CDH13: variants seen among roughly 807,000 people sequenced by gnomAD.
The protein encoded by CDH13 is cadherin 13.
A neutral mutation model predicts 63.8 loss-of-function variants in CDH13; 24 were observed. That is an observed-to-expected ratio of 0.38 (90% CI 0.27 to 0.53). The LOEUF is 0.53. CDH13 is among the 20% of genes least tolerant of loss of function. The pLI is 0.85. For missense variants in CDH13, 1,049 were observed against 903.1 expected, an observed-to-expected ratio of 1.16 and a Z score of -2.07; for synonymous variants, 503 against 355.3, an observed-to-expected ratio of 1.42 and a Z score of -4.67.
At chr16:83,432,244 A>C (rs2072141251) in intron 6 of CDH13, among the ~76,000 whole-genome samples, 1 of 152,208 alleles carries the variant, frequency 6.6e-6, no homozygotes, top group South Asian at 2.1e-4. Context: ...TGAATTACCA[A>C]CATGAGCTGC....
intron 7 of CDH13, among the ~76,000 whole-genome samples, chr16:83,572,294 C>A (rs1432390663): frequency 6.6e-6 from 1 of 151,752 alleles, no homozygotes; most frequent in Admixed American, 6.6e-5. Context: ...TCAGGCGATT[C>A]TCATGCCTCA....
chr16:83,444,096 G>A (rs1354440820), intron 6 of CDH13, among the ~76,000 whole-genome samples: 2 of 145,034 alleles, frequency 1.4e-5, no homozygotes, highest in Non-Finnish European at 3.1e-5. Context: ...ACAATAGTGA[G>A]GTTGATGATG....
chr16:83,350,270 G>A (rs989283754), intron 6 of CDH13, among the ~76,000 whole-genome samples: 3 of 152,352 alleles, frequency 2.0e-5, no homozygotes, highest in Non-Finnish European at 2.9e-5. Flanking sequence ...TGGGAGAATG[G>A]CAGCCCCCCA....
intron 2 of CDH13, among the ~76,000 whole-genome samples, chr16:82,959,732 G>T (rs989372582): frequency 1.3e-5 from 2 of 152,196 alleles, no homozygotes; most frequent in East Asian, 3.8e-4. Context: ...AAGTTTATAA[G>T]TTCCTTTATA....
intron 7 of CDH13, among the ~76,000 whole-genome samples, chr16:83,514,933 T>G (rs2074667438): frequency 6.6e-6 from 1 of 152,266 alleles, no homozygotes; most frequent in Middle Eastern, 3.4e-3. Flanking sequence ...GACGTGTAGT[T>G]ACTGCAGCTC....
At chr16:82,673,663 A>G (rs1274070847) in intron 1 of CDH13, among the ~76,000 whole-genome samples, 2 of 152,244 alleles carry the variant, frequency 1.3e-5, no homozygotes, top group African/African-American at 4.8e-5. Context: ...TAAAGAAATC[A>G]TATTTAAACC....
At chr16:82,747,723 C>G (rs1009076828) in intron 1 of CDH13, among the ~76,000 whole-genome samples, 1 of 152,142 alleles carries the variant, frequency 6.6e-6, no homozygotes, top group Non-Finnish European at 1.5e-5. Context: ...ACAAATTAGT[C>G]TTTTCAAAGG....
At chr16:82,832,419 A>G (rs1466318192) in intron 1 of CDH13, among the ~76,000 whole-genome samples, 4 of 152,020 alleles carry the variant, frequency 2.6e-5, no homozygotes, top group Admixed American at 2.0e-4. Flanking sequence ...GTGACTTTTC[A>G]TCTCTTCTTC....
At chr16:82,744,284 G>GA (rs2034062507) in intron 1 of CDH13, among the ~76,000 whole-genome samples, 1 of 152,188 alleles carries the variant, frequency 6.6e-6, no homozygotes, top group South Asian at 2.1e-4. Context: ...AATAAACACT[G>GA]AAAAATGGTA....
intron 5 of CDH13, among the ~76,000 whole-genome samples, chr16:83,300,130 C>A (rs376339092): frequency 6.6e-6 from 1 of 152,140 alleles, no homozygotes; most frequent in Admixed American, 6.5e-5. Flanking sequence ...GGGTGAGTAC[C>A]AGGAAGCTGG....
At chr16:82,854,047 G>A (rs1010041924) in intron 1 of CDH13, among the ~76,000 whole-genome samples, 1 of 152,148 alleles carries the variant, frequency 6.6e-6, no homozygotes, top group South Asian at 2.1e-4. Flanking sequence ...GAATGAAATT[G>A]AAGAGCGGAT....
intron 7 of CDH13, among the ~76,000 whole-genome samples, chr16:83,527,579 A>T (rs1029746310): frequency 6.6e-6 from 1 of 152,182 alleles, no homozygotes; most frequent in East Asian, 1.9e-4. Context: ...CAGGGCAACT[A>T]CATCCGTTTG....
At chr16:83,042,175 C>T (rs150318104) in intron 3 of CDH13, among the ~76,000 whole-genome samples, 4 of 152,174 alleles carry the variant, frequency 2.6e-5, no homozygotes, top group Non-Finnish European at 5.9e-5. Context: ...CCCCACCCAC[C>T]TGTCTGAGTA....
intron 2 of CDH13, among the ~76,000 whole-genome samples, chr16:82,877,229 A>G (rs890285201): frequency 1.3e-5 from 2 of 152,360 alleles, no homozygotes; most frequent in South Asian, 2.1e-4. Flanking sequence ...AGACATAGCA[A>G]GATGAGTTTA....
chr16:82,629,125 A>T (rs1907704340), intron 1 of CDH13, among the ~76,000 whole-genome samples: 1 of 152,196 alleles, frequency 6.6e-6, no homozygotes, highest in Admixed American at 6.5e-5. Flanking sequence ...AAGACAGACC[A>T]CGTGACAGGG....
intron 2 of CDH13, among the ~76,000 whole-genome samples, chr16:83,018,461 A>T (rs1915024839): frequency 6.6e-6 from 1 of 152,218 alleles, no homozygotes; most frequent in Non-Finnish European, 1.5e-5. Context: ...TGTAAGAGAC[A>T]TCATTCAATG....
chr16:82,978,239 C>A (rs1046100068), intron 2 of CDH13, among the ~76,000 whole-genome samples: 1 of 152,128 alleles, frequency 6.6e-6, no homozygotes, highest in African/African-American at 2.4e-5. Context: ...AAAAGGGAAG[C>A]AGAACATAAA....
chr16:82,861,364 A>G lies in CDH13; in HGVS notation c.157+2891A>G, dbSNP rs111978406. On this transcript the variant is annotated intron_variant, in intron 2 of 13. Transcript: ENST00000567109. ...GGTGTAAACACAGCATAATCAATCA[A>G]TTGATGTCTACACTCTTCACTTTTC... is the stretch of plus-strand genomic sequence containing the variant. Among the ~76,000 whole-genome samples, 12 of 152,306 alleles carry G rather than the reference A, an allele frequency of 7.9e-5. 1 individual carries two copies. The highest frequency in any genetic ancestry group is 1.4e-4 in the African/African-American group (6 of 41,568).
intron 2 of CDH13, among the ~76,000 whole-genome samples, chr16:82,960,269 C>T (rs2151339432): frequency 6.6e-6 from 1 of 152,196 alleles, no homozygotes; most frequent in East Asian, 1.9e-4. Flanking sequence ...ACAGTTGCTG[C>T]AGAATTGTTT....
Sources: allele counts gnomAD v4.1 joint callset (sites outside exome capture counted in the v4.1 genomes callset), GRCh38; gene constraint gnomAD v4.1.1; transcripts MANE v1.5; gene names NCBI Gene and HGNC (gene_info 2026-07-23, HGNC 2026-07-21).